GLS: variants seen among roughly 807,000 people sequenced by gnomAD.
GLS encodes the protein glutaminase kidney isoform, mitochondrial.
In GLS, 36 loss-of-function variants were observed where a neutral mutation model predicts 86.7. The observed-to-expected ratio is 0.42, with a 90% CI of 0.32 to 0.55. The LOEUF is 0.55. Ranked by LOEUF, GLS falls within the 20% of genes least tolerant of loss-of-function variation. The pLI is 0.17. For missense variants in GLS, 528 were observed against 833.4 expected (o/e 0.63, Z 4.51); for synonymous variants, 317 against 305.9 (o/e 1.04, Z -0.38).
chr2:190,937,596 G>C (rs1379893924), intron 14 of GLS, among the ~76,000 whole-genome samples: 3 of 151,294 alleles, frequency 2.0e-5, no homozygotes, highest in African/African-American at 7.2e-5. Flanking sequence ...TCTATTTTAT[G>C]AACATAGGAG....
chr2:190,926,834 T>C (rs1465592207), intron 11 of GLS, among the ~76,000 whole-genome samples: 1 of 152,188 alleles, frequency 6.6e-6, no homozygotes, highest in Non-Finnish European at 1.5e-5. Flanking sequence ...AACTTTGTTA[T>C]GGGTGAAATG....
rs1163282650 is a variant in GLS, at chr2:190,932,568, G to A, written c.1650+931G>A. The A allele has an allele frequency of 1.3e-5, 6 of 449,382 alleles. No individual in the cohort carries two copies. In the Admixed American group the frequency reaches 2.2e-4, roughly 16 times the overall value. 27.8% of individuals were successfully genotyped at this position (449,382 alleles called of 1,614,324 possible). On this transcript the variant is annotated intron_variant, in intron 14 of 17. Coordinates refer to ENST00000320717, the MANE Select transcript of GLS (RefSeq NM_014905.5). ...CAGAATAGAAACTTCCATGGGAGTCGACCTGAGTAACATGAAGCAAAATGT... is the reference window on the plus strand; with the variant it reads ...CAGAATAGAAACTTCCATGGGAGTCAACCTGAGTAACATGAAGCAAAATGT...
rs1691094000 is a variant in GLS, at chr2:190,965,181, T to C, written c.*2195T>C. 1 of 152,650 alleles carries C rather than the reference T, an allele frequency of 6.6e-6. No homozygotes were observed. The highest frequency in any genetic ancestry group is 2.4e-5 in the African/African-American group (1 of 41,460). 9.5% of individuals were successfully genotyped at this position (152,650 alleles called of 1,614,324 possible). A position where few individuals can be genotyped will look rare whatever the true frequency, so the allele number is the denominator to read the frequency against. On this transcript the variant is annotated 3_prime_UTR_variant, in exon 18 of 18. Transcript: ENST00000320717. The surrounding 1 kb of genome is among the most constrained non-coding windows in gnomAD (Gnocchi z 5.0). ...TTTAGTATCATATGTGCTTTTTCTG[T>C]ATCCTGAGCGCTCTATATGATCATG... is the stretch of plus-strand genomic sequence containing the variant.
At chr2:190,933,402 T>C (rs1020073640) in intron 14 of GLS, 1 of 860,252 alleles carries the variant, frequency 1.2e-6, no homozygotes, top group African/African-American at 1.8e-5. Flanking sequence ...TTTACATTTA[T>C]GCCATTTTTG....
intron 14 of GLS, among the ~76,000 whole-genome samples, chr2:190,942,623 G>A (rs975039963): frequency 6.6e-6 from 1 of 152,150 alleles, no homozygotes; most frequent in Admixed American, 6.6e-5. Flanking sequence ...CAGGTTTTTA[G>A]TATGAGCAAC....
At position 190,947,832 on chromosome 2, in the gene GLS, A is replaced by G. The variant is rs546921321; in HGVS notation, c.1651-5733A>G. Among the ~76,000 whole-genome samples the G allele has an allele frequency of 2.0e-5, 3 of 152,246 alleles. No individual in the cohort carries two copies. Among genetic ancestry groups the G allele is most frequent in the South Asian group, 4.1e-4 (2 of 4,826 alleles). On this transcript the variant is annotated intron_variant, in intron 14 of 17. Transcript: ENST00000320717. The surrounding 1 kb of genome is among the most constrained non-coding windows in gnomAD (Gnocchi z 5.0). ...TGGAGGTGGATGACTGATCTTCTAG[A>G]GTGCCCCTCTCCTTCAGTTTGTTTG...
At position 190,938,574 on chromosome 2, in the gene GLS, C is replaced by T. The variant is rs1035944161; in HGVS notation, c.1650+6937C>T. Among the ~76,000 whole-genome samples, 2 of 151,598 alleles carry T rather than the reference C, an allele frequency of 1.3e-5. No homozygotes were observed. The highest frequency in any genetic ancestry group is 4.8e-5 in the African/African-American group (2 of 41,406). On this transcript the variant is annotated intron_variant, in intron 14 of 17. Coordinates refer to ENST00000320717, the MANE Select transcript of GLS (RefSeq NM_014905.5). This position sits in a 1 kb window ranked among gnomAD's most constrained non-coding sequence, Gnocchi z 4.1. ...ATGTTACCTGGTACAGACTCCCACCCCACTCAGCCCCCTTTTCCAGGTTTC... is the reference window on the plus strand; with the variant it reads ...ATGTTACCTGGTACAGACTCCCACCTCACTCAGCCCCCTTTTCCAGGTTTC...
chr2:190,908,783 G>A (rs1233812714), intron 6 of GLS, among the ~76,000 whole-genome samples: 6 of 152,186 alleles, frequency 3.9e-5, no homozygotes, highest in African/African-American at 1.4e-4. Context: ...TTGAGCCAAA[G>A]GCAGAATGAG....
chr2:190,960,013 T>C (rs1690961374), intron 17 of GLS, among the ~76,000 whole-genome samples: 1 of 152,150 alleles, frequency 6.6e-6, no homozygotes, highest in South Asian at 2.1e-4. Context: ...ATGCCTAGAA[T>C]ATATTCTGCT....
chr2:190,955,135 A>C lies in GLS; in HGVS notation c.1853+317A>C, dbSNP rs74909402. Among the ~76,000 whole-genome samples the C allele has an allele frequency of 6.7e-6, 1 of 150,368 alleles. No homozygotes were observed. The highest frequency in any genetic ancestry group is 2.5e-5 in the African/African-American group (1 of 39,964). On this transcript the variant is annotated intron_variant, in intron 17 of 17. Transcript: ENST00000320717. This position sits in a 1 kb window ranked among gnomAD's most constrained non-coding sequence, Gnocchi z 5.6. ...TTATCCTCATGGATTTTAAAAAAAAAATTTTTAAATTACACTTTAAGTTCT... is the reference window on the plus strand; with the variant it reads ...TTATCCTCATGGATTTTAAAAAAAACATTTTTAAATTACACTTTAAGTTCT...
chr2:190,901,883 G>C (rs957595616), intron 4 of GLS, 64 bp from the exon 5 acceptor site: 4 of 1,013,428 alleles, frequency 3.9e-6, no homozygotes, highest in Non-Finnish European at 4.7e-6. Context: ...AAATTTGTTG[G>C]TGGAAGAAAA....
chr2:190,904,721 A>G (rs1689072802), intron 5 of GLS, among the ~76,000 whole-genome samples: 1 of 152,158 alleles, frequency 6.6e-6, no homozygotes, highest in Non-Finnish European at 1.5e-5. Context: ...TTTAAAACAC[A>G]TGGGAAGATG....
chr2:190,926,535 A>G (rs1298928371), intron 11 of GLS, among the ~76,000 whole-genome samples: 3 of 152,068 alleles, frequency 2.0e-5, no homozygotes, highest in Non-Finnish European at 1.5e-5. Context: ...TCTCATCCCA[A>G]TTTTGCTTAC....
chr2:190,945,286 T>G (rs1187610970), intron 14 of GLS, among the ~76,000 whole-genome samples: 1 of 152,194 alleles, frequency 6.6e-6, no homozygotes, highest in African/African-American at 2.4e-5. Context: ...TTTTTTGTCT[T>G]CATAGGTTGT....
At chr2:190,957,915 G>A (rs560976320) in intron 17 of GLS, among the ~76,000 whole-genome samples, 4 of 147,290 alleles carry the variant, frequency 2.7e-5, no homozygotes, top group Admixed American at 6.8e-5. Context: ...GATGATGCTG[G>A]CCTCATAAAA....
intron 5 of GLS, among the ~76,000 whole-genome samples, chr2:190,903,718 A>G (rs1272444256): frequency 1.3e-5 from 2 of 152,232 alleles, no homozygotes; most frequent in Non-Finnish European, 2.9e-5. Context: ...ATCCAAAGGT[A>G]GTAAGACAAG....
intron 17 of GLS, among the ~76,000 whole-genome samples, chr2:190,960,791 A>G (rs956306502): frequency 1.3e-5 from 2 of 152,222 alleles, no homozygotes; most frequent in African/African-American, 2.4e-5. Flanking sequence ...TAAGTTTGCT[A>G]ACACTTTGGT....
At position 190,935,025 on chromosome 2, in the gene GLS, G is replaced by T; in HGVS notation, c.1650+3388G>T. 1 of 948,022 alleles carries T rather than the reference G, an allele frequency of 1.1e-6. No individual in the cohort carries two copies. The highest frequency in any genetic ancestry group is 4.9e-5 in the South Asian group (1 of 20,480). 58.7% of individuals were successfully genotyped at this position (948,022 alleles called of 1,614,324 possible). On this transcript the variant is annotated intron_variant, in intron 14 of 17. Coordinates refer to ENST00000320717, the MANE Select transcript of GLS (RefSeq NM_014905.5). This position sits in a 1 kb window ranked among gnomAD's most constrained non-coding sequence, Gnocchi z 4.2. Reference sequence around the variant, plus strand: ...ATTGGGTTTGTTTTATGCCATTATTGATTCTTGATATTCAAGCATTTACAA... The same window carrying T: ...ATTGGGTTTGTTTTATGCCATTATTTATTCTTGATATTCAAGCATTTACAA...
intron 14 of GLS, among the ~76,000 whole-genome samples, chr2:190,936,844 G>C (rs1690284185): frequency 6.6e-6 from 1 of 151,142 alleles, no homozygotes; most frequent in Admixed American, 6.6e-5. Flanking sequence ...TTAAGAATCT[G>C]TTTTACTATT....
Sources: allele counts gnomAD v4.1 joint callset (sites outside exome capture counted in the v4.1 genomes callset), GRCh38; gene constraint gnomAD v4.1.1; non-coding constraint Gnocchi (gnomAD v3.1); transcripts MANE v1.5; gene names NCBI Gene and HGNC (gene_info 2026-07-23, HGNC 2026-07-21).